Variants in OSMR observed in about 807,000 individuals in gnomAD.
OSMR encodes oncostatin M receptor.
In OSMR, 81 loss-of-function variants were observed where a neutral mutation model predicts 99.9. The observed-to-expected ratio is 0.81, with a 90% CI of 0.68 to 0.97. OSMR has a LOEUF of 0.97. Among genes scored for constraint, OSMR ranks in the 50% least tolerant of loss-of-function variants. The pLI, the probability that OSMR is intolerant of heterozygous loss-of-function variation, is 0.00. For synonymous variants in OSMR, 406 were observed against 410.4 expected (o/e 0.99, Z 0.13); for missense variants, 1,099 against 1,153.4 (o/e 0.95, Z 0.68).
intron 9 of OSMR, among the ~76,000 whole-genome samples, chr5:38,905,081 C>T (rs569231547): frequency 6.6e-6 from 1 of 152,260 alleles, no homozygotes; most frequent in East Asian, 1.9e-4. Context: ...ATCCTGCTTC[C>T]ATCTCCCTCC....
At chr5:38,862,623 G>A (rs1456143448) in intron 1 of OSMR, among the ~76,000 whole-genome samples, 6 of 150,794 alleles carry the variant, frequency 4.0e-5, no homozygotes, top group South Asian at 2.1e-4. Context: ...AGGCAGAGGC[G>A]CTCCTCACAT....
intron 7 of OSMR, among the ~76,000 whole-genome samples, chr5:38,892,776 C>T (rs1032043119): frequency 1.3e-5 from 2 of 152,082 alleles, no homozygotes; most frequent in South Asian, 4.1e-4. Context: ...TACACCTGAA[C>T]TAGGAGTCAC....
In OSMR at chr5:38,911,477, G is replaced by A. The variant is rs536338274; in HGVS notation, c.1286-6069G>A. Among the ~76,000 whole-genome samples, 139 of 152,226 alleles carry A rather than the reference G, an allele frequency of 9.1e-4. 1 individual carries two copies. Among genetic ancestry groups the A allele is most frequent in the African/African-American group, 3.2e-3 (135 of 41,550 alleles). ...CCAGATGCATTCACAGCCAAATTCT[G>A]TCAGAGTTATAAAGAGCTGGTACCA... On this transcript the variant is annotated intron_variant, in intron 9 of 17. Coordinates refer to ENST00000274276, the MANE Select transcript of OSMR (RefSeq NM_003999.3).
At chr5:38,881,469 T>A (rs1743274234) in intron 3 of OSMR, 124 bp from the exon 4 acceptor site, 2 of 1,581,880 alleles carry the variant, frequency 1.3e-6, no homozygotes, top group East Asian at 4.6e-5. Context: ...AGAAGTGGAA[T>A]TCACTGGCAC....
chr5:38,910,400 A>T (rs1048969054), intron 9 of OSMR, among the ~76,000 whole-genome samples: 3 of 152,174 alleles, frequency 2.0e-5, no homozygotes, highest in Non-Finnish European at 2.9e-5. Context: ...ACCCCAAAAC[A>T]AATATACATT....
At position 38,918,878 on chromosome 5, in the gene OSMR, C is replaced by T; in HGVS notation, c.1401C>T (p.Phe467=). The change falls in exon 11 of 18, where the codon TTC becomes TTT. Residue 467 remains phenylalanine, a synonymous_variant. Coordinates refer to ENST00000274276, the MANE Select transcript of OSMR (RefSeq NM_003999.3). The part of the protein sequence containing the change: ...SKLHANGKIL[F]YNVVVENLDK... ...TGCATGCCAATGGAAAGATCCTGTT[C>T]TATAATGTAGTTGTAGAAAACCTAG... 1 of 1,613,936 alleles carries T rather than the reference C, an allele frequency of 6.2e-7. No individual in the cohort carries two copies. The highest frequency in any genetic ancestry group is 8.5e-7 in the Non-Finnish European group (1 of 1,179,886).
intron 1 of OSMR, chr5:38,942,093 A>G (rs1747633217): frequency 2.5e-6 from 1 of 395,122 alleles, no homozygotes; most frequent in Non-Finnish European, 4.6e-6. Flanking sequence ...TGAATCATGA[A>G]CCCCTCAAAA....
exon 3 of OSMR, chr5:38,944,989 C>G (rs745508964): frequency 6.2e-7 from 1 of 1,613,544 alleles, no homozygotes; most frequent in East Asian, 2.2e-5. Context: ...CAGAAATCCC[C>G]GAAAACTTAG....
intron 1 of OSMR, chr5:38,942,789 A>C: frequency 6.9e-7 from 1 of 1,454,148 alleles, no homozygotes; most frequent in African/African-American, 1.4e-5. Flanking sequence ...CAAACACAGA[A>C]TTATTCTTGG....
At chr5:38,855,204 G>T (rs1391302135) in intron 1 of OSMR, among the ~76,000 whole-genome samples, 2 of 152,154 alleles carry the variant, frequency 1.3e-5, no homozygotes, top group African/African-American at 4.8e-5. Flanking sequence ...CACAGTAGAG[G>T]GTGTGGAGCA....
intron 3 of OSMR, among the ~76,000 whole-genome samples, chr5:38,880,969 C>T (rs1325537702): frequency 1.3e-5 from 2 of 152,196 alleles, no homozygotes; most frequent in African/African-American, 4.8e-5. Context: ...GCTTCAGGGC[C>T]TAAGAGTCTG....
chr5:38,885,159 G>A (rs1743610481), intron 5 of OSMR, 190 bp from the exon 6 acceptor site: 1 of 984,580 alleles, frequency 1.0e-6, no homozygotes, highest in African/African-American at 1.7e-5. Flanking sequence ...GGGCAGGAAG[G>A]AGAAGGGGCC....
chr5:38,920,426 C>T (rs1037470536), intron 11 of OSMR, among the ~76,000 whole-genome samples: 22 of 152,132 alleles, frequency 1.4e-4, no homozygotes, highest in African/African-American at 4.6e-4. Flanking sequence ...GAGTTTCAAC[C>T]CTGGGTTTGG....
At chr5:38,872,026 T>G (rs886564227) in intron 2 of OSMR, among the ~76,000 whole-genome samples, 3 of 152,178 alleles carry the variant, frequency 2.0e-5, no homozygotes, top group Non-Finnish European at 4.4e-5. Context: ...AAAAGAGAGC[T>G]GGACAGAGAC....
At chr5:38,901,811 A>G (rs1449027488) in intron 7 of OSMR, among the ~76,000 whole-genome samples, 2 of 152,154 alleles carry the variant, frequency 1.3e-5, no homozygotes, top group African/African-American at 4.8e-5. Flanking sequence ...GTCGCAAAGA[A>G]CCTCATTTAA....
chr5:38,894,323 A>G (rs1427247401), intron 7 of OSMR, among the ~76,000 whole-genome samples: 10 of 152,180 alleles, frequency 6.6e-5, no homozygotes, highest in Admixed American at 5.2e-4. Context: ...TCCTATATCA[A>G]TATAAATCTG....
intron 1 of OSMR, among the ~76,000 whole-genome samples, chr5:38,847,278 C>T (rs184668705): frequency 6.6e-6 from 1 of 152,308 alleles, no homozygotes; most frequent in Admixed American, 6.5e-5. Context: ...ATGGTTCATA[C>T]TTACTGTGAA....
At chr5:38,876,905 G>C (rs1248884319) in intron 3 of OSMR, among the ~76,000 whole-genome samples, 1 of 152,128 alleles carries the variant, frequency 6.6e-6, no homozygotes, top group African/African-American at 2.4e-5. Context: ...CTTACATGTG[G>C]CTTTTTCCAC....
intron 3 of OSMR, 36 bp downstream of exon 3, chr5:38,876,409 A>T: frequency 1.9e-6 from 3 of 1,574,078 alleles, no homozygotes; most frequent in Non-Finnish European, 2.6e-6. Flanking sequence ...TTAAAAAATC[A>T]TCTTTAAAAA....
Sources: gnomAD v4.1 joint callset for allele counts (sites outside exome capture counted in the v4.1 genomes callset) on GRCh38, gnomAD v4.1.1 for gene constraint, MANE v1.5 for transcripts, NCBI Gene and HGNC (gene_info 2026-07-23, HGNC 2026-07-21) for gene names.